NDRG2: variants seen among roughly 807,000 people sequenced by gnomAD.
The protein encoded by NDRG2 is protein NDRG2.
NDRG2 carries 34 observed loss-of-function variants against 58.2 expected under a neutral mutation model. The observed-to-expected ratio is 0.58, with a 90% CI of 0.44 to 0.78. NDRG2 has a LOEUF of 0.78. Ranked by LOEUF, NDRG2 falls within the 30% of genes least tolerant of loss-of-function variation. The probability of loss-of-function intolerance (pLI) is 0.00; values close to 1 mark genes in which losing one functional copy is unlikely to be tolerated. For synonymous variants in NDRG2, 187 were observed against 175.9 expected (o/e 1.06, Z -0.50); for missense variants, 434 against 471.2 (o/e 0.92, Z 0.73).
In NDRG2 at chr14:21,016,782, C is replaced by T. The variant is rs1877118414; in HGVS notation, c.*814G>A. ...GAATAATAACGGTACTCAGATTCCT[C>T]TACAGTTTATTGTTATAGCAGAAGT... On this transcript the variant is annotated 3_prime_UTR_variant, in exon 16 of 16. Coordinates refer to ENST00000556147, the MANE Select transcript of NDRG2 (RefSeq NM_001320329.2). 2.3e-6 allele frequency: 1 copy of T among 442,944 alleles called. No individual in the cohort carries two copies. Among genetic ancestry groups the T allele is most frequent in the Non-Finnish European group, 4.6e-6 (1 of 216,980 alleles). 27.4% of individuals were successfully genotyped at this position (442,944 alleles called of 1,614,324 possible).
intron 1 of NDRG2, among the ~76,000 whole-genome samples, chr14:21,065,911 C>T (rs1363354672): frequency 2.6e-5 from 4 of 152,060 alleles, no homozygotes; most frequent in African/African-American, 7.2e-5. Flanking sequence ...CCAGCCTGGC[C>T]AACATGGTGA....
Position 21,018,860 on chromosome 14 carries a change from C to T in NDRG2, c.762-46G>A, listed in dbSNP as rs1398408420. 4 of 1,609,642 alleles carry T rather than the reference C, an allele frequency of 2.5e-6. No homozygotes were observed. The South Asian group carries it at 4.4e-5, about 18-fold the overall frequency. On this transcript the variant is annotated intron_variant, in intron 11 of 15. Transcript: ENST00000556147. ...AGAAGGCAGTGAGCCCCTGGCACTCCCTCACTGGCCTCTGCCTAGGAGTGC... is the reference window on the plus strand; with the variant it reads ...AGAAGGCAGTGAGCCCCTGGCACTCTCTCACTGGCCTCTGCCTAGGAGTGC...
intron 1 of NDRG2, 26 bp from the exon 2 acceptor site, chr14:21,023,347 G>A: frequency 1.3e-6 from 2 of 1,598,186 alleles, no homozygotes; most frequent in Non-Finnish European, 1.7e-6. Context: ...AATGAGACTG[G>A]GAAGTTGTCT....
intron 4 of NDRG2, 83 bp downstream of exon 4, chr14:21,022,309 C>T: frequency 6.4e-7 from 1 of 1,571,202 alleles, no homozygotes; most frequent in South Asian, 1.1e-5. Context: ...ACACTGACCC[C>T]TCCCCTCCCT....
chr14:21,031,859 G>A, intron 1 of NDRG2: 2 of 1,604,238 alleles, frequency 1.2e-6, no homozygotes, highest in Non-Finnish European at 1.7e-6. Flanking sequence ...CGTAAGGAAA[G>A]GAAGAGAGCT....
At position 21,017,968 on chromosome 14, in the gene NDRG2, C is replaced by T; in HGVS notation, c.949+19G>A. ...CCTATCTCTCCTCTAGTGCAGCAAG[C>T]TCTTGTCCCGATACTCACTGTAGCC... On this transcript the variant is annotated intron_variant, in intron 15 of 15. Coordinates refer to ENST00000556147, the MANE Select transcript of NDRG2 (RefSeq NM_001320329.2). The T allele has an allele frequency of 6.2e-7, 1 of 1,614,194 alleles. No individual in the cohort carries two copies. The highest frequency in any genetic ancestry group is 1.3e-5 in the African/African-American group (1 of 75,066).
intron 1 of NDRG2, chr14:21,036,107 T>C: frequency 2.3e-6 from 1 of 443,912 alleles, no homozygotes; most frequent in East Asian, 7.0e-5. Flanking sequence ...GTCCTCAGTA[T>C]GAGCCTGAGT....
At chr14:21,018,127 G>A (rs1436744162) in intron 14 of NDRG2, 77 bp downstream of exon 14, 13 of 1,599,090 alleles carry the variant, frequency 8.1e-6, no homozygotes, top group East Asian at 6.7e-5. Flanking sequence ...GGGGCCGGGT[G>A]TGTGGCAAAG....
At chr14:21,055,388 T>C (rs1259779359) in intron 1 of NDRG2, among the ~76,000 whole-genome samples, 1 of 152,232 alleles carries the variant, frequency 6.6e-6, no homozygotes, top group Admixed American at 6.5e-5. Context: ...TTTTCCTGTA[T>C]TGGAGCCAAT....
Position 21,019,908 on chromosome 14 carries a change from A to T in NDRG2, c.612+12T>A. ...TCCCGTCGACTCTTCTACATCTCCT[A>T]CACCCACTTACCTGGCTGAAAAGAT... On this transcript the variant is annotated intron_variant, in intron 9 of 15. Transcript: ENST00000556147. 6.2e-7 allele frequency: 1 copy of T among 1,613,816 alleles called. No homozygotes were observed. Among genetic ancestry groups the T allele is most frequent in the Non-Finnish European group, 8.5e-7 (1 of 1,179,756 alleles).
chr14:21,025,132 C>A (rs1193802015), upstream of NDRG2: 1 of 982,002 alleles, frequency 1.0e-6, no homozygotes, highest in Non-Finnish European at 1.2e-6. The surrounding 1 kb of genome is among the most constrained non-coding windows in gnomAD (Gnocchi z 5.1). Flanking sequence ...AGCCCGCCCA[C>A]GGGCGCTAGG....
chr14:21,033,791 G>T, intron 1 of NDRG2: 3 of 1,373,236 alleles, frequency 2.2e-6, no homozygotes, highest in Non-Finnish European at 3.1e-6. Flanking sequence ...GGCCTGTGGT[G>T]GTAGAGGTTG....
Position 21,020,846 on chromosome 14 carries a change from T to C in NDRG2, c.408-2A>G, listed in dbSNP as rs1342749242. 7 of 1,613,274 alleles carry C rather than the reference T, an allele frequency of 4.3e-6. No homozygotes were observed. Among genetic ancestry groups the C allele is most frequent in the Non-Finnish European group, 5.9e-6 (7 of 1,179,854 alleles). The stretch of plus-strand genomic sequence containing the variant: ...CCAACTCCAATTATTGTAGAGAAAC[T>C]GTGAAAGGGAAAGAAATATACGCCT... On this transcript the variant is annotated splice_acceptor_variant, in intron 6 of 15. Coordinates refer to ENST00000556147, the MANE Select transcript of NDRG2 (RefSeq NM_001320329.2). LOFTEE classifies it high-confidence loss of function.
chr14:21,030,517 C>G, upstream of NDRG2: 1 of 1,510,404 alleles, frequency 6.6e-7, no homozygotes, highest in Non-Finnish European at 9.0e-7. Flanking sequence ...CCACAGTCCT[C>G]CCTCCCCCTT....
chr14:21,033,525 T>A, intron 1 of NDRG2: 1 of 446,158 alleles, frequency 2.2e-6, no homozygotes, highest in Non-Finnish European at 4.1e-6. Flanking sequence ...GGGTGGACAG[T>A]CACTGCCAAC....
In NDRG2 at chr14:21,070,173, G is replaced by A. The variant is rs1014128547; in HGVS notation, c.24+655C>T. On this transcript the variant is annotated intron_variant, in intron 1 of 14. Coordinates refer to the NDRG2 transcript ENST00000403829. The surrounding 1 kb of genome is among the most constrained non-coding windows in gnomAD (Gnocchi z 4.7). ...ACAGAGTCCCGGCAAGGGGTCCCGC[G>A]CGGAGGCGGGGGCGGGCGCTGAAGG... The A allele has an allele frequency of 8.2e-6, 2 of 245,218 alleles. No homozygotes were observed. The highest frequency in any genetic ancestry group is 1.5e-5 in the Non-Finnish European group (2 of 133,172). The allele number at this position is 245,218 out of a possible 1,614,324, so 15.2% of individuals were successfully genotyped here.
At chr14:21,036,477 G>T (rs886114955) in intron 1 of NDRG2, among the ~76,000 whole-genome samples, 4 of 152,126 alleles carry the variant, frequency 2.6e-5, no homozygotes, top group Admixed American at 2.6e-4. Context: ...GAAAGTTTAC[G>T]AATTTGTGTT....
chr14:21,042,913 A>T (rs1884970056), intron 1 of NDRG2: 1 of 1,223,298 alleles, frequency 8.2e-7, no homozygotes, highest in Non-Finnish European at 1.1e-6. Context: ...ATGAGCAGGT[A>T]TAAGAGGACT....
At chr14:21,038,406 A>G (rs940933365) in intron 1 of NDRG2, among the ~76,000 whole-genome samples, 2 of 152,246 alleles carry the variant, frequency 1.3e-5, no homozygotes, top group African/African-American at 4.8e-5. Context: ...CCAGTGATTC[A>G]AGGCAGAAAA....
Sources: allele counts gnomAD v4.1 joint callset (sites outside exome capture counted in the v4.1 genomes callset), GRCh38; gene constraint gnomAD v4.1.1; non-coding constraint Gnocchi (gnomAD v3.1); transcripts MANE v1.5; gene names NCBI Gene and HGNC (gene_info 2026-07-23, HGNC 2026-07-21).